Variants in ULK4 observed in about 807,000 individuals in gnomAD.
ULK4 encodes unc-51 like kinase 4.
ULK4 carries 133 observed loss-of-function variants against 160.6 expected under a neutral mutation model. The ratio of observed to expected loss-of-function variants is 0.83; its 90% CI spans 0.72 to 0.96. ULK4 has a LOEUF of 0.96. Among genes scored for constraint, ULK4 ranks in the 40% least tolerant of loss-of-function variants. The pLI, the probability that ULK4 is intolerant of heterozygous loss-of-function variation, is 0.00. For missense variants in ULK4, 1,580 were observed against 1,499.5 expected, an observed-to-expected ratio of 1.05 and a Z score of -0.89; for synonymous variants, 534 against 539.8, an observed-to-expected ratio of 0.99 and a Z score of 0.15.
intron 27 of ULK4, among the ~76,000 whole-genome samples, chr3:41,695,242 T>C (rs1452762014): frequency 6.6e-6 from 1 of 152,206 alleles, no homozygotes; most frequent in African/African-American, 2.4e-5. Flanking sequence ...TAAGTTTCAA[T>C]ATATGAAGTT....
At chr3:41,308,973 A>G (rs2079998521) in intron 35 of ULK4, among the ~76,000 whole-genome samples, 2 of 152,182 alleles carry the variant, frequency 1.3e-5, no homozygotes, top group Non-Finnish European at 2.9e-5. Flanking sequence ...AGCTTAAGAA[A>G]CAGCAGCTTT....
chr3:41,730,333 A>G (rs1324047722), intron 22 of ULK4, among the ~76,000 whole-genome samples: 1 of 152,182 alleles, frequency 6.6e-6, no homozygotes, highest in Non-Finnish European at 1.5e-5. Flanking sequence ...TTAAAAGACA[A>G]AAGGTCAGCA....
intron 35 of ULK4, among the ~76,000 whole-genome samples, chr3:41,380,470 C>A (rs1050335467): frequency 2.6e-5 from 4 of 152,116 alleles, no homozygotes; most frequent in African/African-American, 9.7e-5. Context: ...AGTAAGACTG[C>A]ATCTCTACTG....
chr3:41,629,167 G>A (rs967559692), intron 30 of ULK4, among the ~76,000 whole-genome samples: 2 of 152,032 alleles, frequency 1.3e-5, no homozygotes, highest in African/African-American at 4.8e-5. Flanking sequence ...CATGAATTTC[G>A]GCAGGACACA....
At chr3:41,771,485 T>G (rs2039372152) in intron 21 of ULK4, among the ~76,000 whole-genome samples, 1 of 152,088 alleles carries the variant, frequency 6.6e-6, no homozygotes, top group African/African-American at 2.4e-5. Context: ...ATTACTAATA[T>G]TATTAGTAAA....
chr3:41,568,222 A>C (rs192311173), intron 31 of ULK4, among the ~76,000 whole-genome samples: 149 of 152,318 alleles, frequency 9.8e-4, no homozygotes, highest in African/African-American at 3.3e-3. Flanking sequence ...AAATAATTAT[A>C]AGACATGTTA....
At chr3:41,675,271 G>T (rs1013463429) in intron 29 of ULK4, among the ~76,000 whole-genome samples, 4 of 151,816 alleles carry the variant, frequency 2.6e-5, no homozygotes, top group African/African-American at 9.7e-5. Flanking sequence ...TTCTGAAGAT[G>T]TAGTTAAGAA....
Position 41,931,981 on chromosome 3 carries a change from A to C in ULK4, c.404T>G (p.Leu135Arg). Residue 135 changes from leucine to arginine, a missense_variant, in exon 5 of 37, where the codon CTG becomes CGG. Leu to Arg is a moderately radical substitution (Grantham distance 102). Transcript: ENST00000301831. ...TGCCAAGCAAAAGTTGCTAAACTTC[A>C]GTGTGCCAGGCCCTTCCAAGAGTAT... Reference protein sequence around the residue: ...RKILLEGPGTLKFSNFCLAKV... With the variant: ...RKILLEGPGTRKFSNFCLAKV... The C allele has an allele frequency of 1.2e-6, 2 of 1,614,050 alleles. No homozygotes were observed. Among genetic ancestry groups the C allele is most frequent in the Non-Finnish European group, 1.7e-6 (2 of 1,179,968 alleles).
chr3:41,810,026 C>T (rs1575748385), intron 19 of ULK4, among the ~76,000 whole-genome samples: 1 of 152,240 alleles, frequency 6.6e-6, no homozygotes, highest in Non-Finnish European at 1.5e-5. Context: ...TCACATTCAG[C>T]TAATGTGTTT....
At chr3:41,709,972 T>C (rs1424337614) in intron 25 of ULK4, among the ~76,000 whole-genome samples, 1 of 152,098 alleles carries the variant, frequency 6.6e-6, no homozygotes, top group Non-Finnish European at 1.5e-5. Flanking sequence ...GAACAATAAT[T>C]TTTGTGGAAG....
intron 21 of ULK4, among the ~76,000 whole-genome samples, chr3:41,770,968 T>A (rs1213076275): frequency 6.6e-6 from 1 of 152,180 alleles, no homozygotes; most frequent in Admixed American, 6.5e-5. Flanking sequence ...AAAACAACTA[T>A]GGCTACAGTC....
chr3:41,680,501 G>C (rs2035890474), intron 29 of ULK4, among the ~76,000 whole-genome samples: 1 of 152,122 alleles, frequency 6.6e-6, no homozygotes, highest in Non-Finnish European at 1.5e-5. Context: ...ACCAACTGGA[G>C]TGGTTGAGTG....
At chr3:41,502,563 G>T (rs996000808) in intron 32 of ULK4, among the ~76,000 whole-genome samples, 1 of 152,072 alleles carries the variant, frequency 6.6e-6, no homozygotes, top group Non-Finnish European at 1.5e-5. Context: ...TCCACCAGCT[G>T]GGAAATTAAT....
Position 41,774,801 on chromosome 3 carries a change from T to C in ULK4, c.2193+14860A>G, listed in dbSNP as rs374642439. The stretch of plus-strand genomic sequence containing the variant: ...ATGTTTATTGCGGCACTACTCACAA[T>C]AGCAAAAACTTGGAACCAACCCAAA... On this transcript the variant is annotated intron_variant, in intron 21 of 36. Transcript: ENST00000301831. 4.0e-5 allele frequency among the ~76,000 whole-genome samples: 6 copies of C among 150,618 alleles called. No individual in the cohort carries two copies. In the East Asian group the frequency reaches 1.2e-3, roughly 29 times the overall value.
chr3:41,893,877 G>A (rs1266946109), intron 16 of ULK4, among the ~76,000 whole-genome samples: 1 of 152,120 alleles, frequency 6.6e-6, no homozygotes, highest in Non-Finnish European at 1.5e-5. Flanking sequence ...CCCAGACTAA[G>A]TTAAGGACCC....
At chr3:41,288,535 C>G (rs2079504673) in intron 35 of ULK4, among the ~76,000 whole-genome samples, 1 of 152,130 alleles carries the variant, frequency 6.6e-6, no homozygotes, top group Non-Finnish European at 1.5e-5. Context: ...CTGAGAATAT[C>G]CTGCTATAGC....
At chr3:41,414,132 C>T (rs1323731276) in intron 34 of ULK4, among the ~76,000 whole-genome samples, 4 of 152,144 alleles carry the variant, frequency 2.6e-5, no homozygotes, top group African/African-American at 4.8e-5. Context: ...ACCTGGGAGG[C>T]GGAAGTTGCG....
chr3:41,661,519 GATAGATAGATAAATAGATAGATAA>G (rs530562271), intron 30 of ULK4, among the ~76,000 whole-genome samples: 1 of 139,182 alleles, frequency 7.2e-6, no homozygotes, highest in African/African-American at 3.4e-5. Flanking sequence ...ATGATAGATA[GATAGATAGATAAATAGATAGATAA>G]ATAGATAGAT....
intron 29 of ULK4, among the ~76,000 whole-genome samples, chr3:41,664,798 C>A (rs2035303720): frequency 6.6e-6 from 1 of 152,120 alleles, no homozygotes; most frequent in Non-Finnish European, 1.5e-5. Context: ...TTCTGCACAG[C>A]ATTCTTATTA....
Sources: gnomAD v4.1 joint callset for allele counts (sites outside exome capture counted in the v4.1 genomes callset) on GRCh38, gnomAD v4.1.1 for gene constraint, MANE v1.5 for transcripts, NCBI Gene and HGNC (gene_info 2026-07-23, HGNC 2026-07-21) for gene names.